Variants in BNC2 observed in about 807,000 individuals in gnomAD.
BNC2 encodes zinc finger protein basonuclin-2.
A neutral mutation model predicts 76.3 loss-of-function variants in BNC2; 20 were observed. The observed-to-expected ratio is 0.26, with a 90% CI of 0.18 to 0.38. BNC2 has a LOEUF of 0.38. Ranked by LOEUF, BNC2 falls within the 10% of genes least tolerant of loss-of-function variation. The pLI is 1.00. For synonymous variants in BNC2, 582 were observed against 514.8 expected (o/e 1.13, Z -1.77); for missense variants, 1,382 against 1,399.8 (o/e 0.99, Z 0.20).
At chr9:16,453,740 C>G (rs983161200) in intron 5 of BNC2, among the ~76,000 whole-genome samples, 5 of 152,160 alleles carry the variant, frequency 3.3e-5, no homozygotes, top group African/African-American at 1.2e-4. Context: ...CTGCTTGAAC[C>G]CCAGAGGCAG....
intron 1 of BNC2, among the ~76,000 whole-genome samples, chr9:16,846,712 C>G (rs1038402896): frequency 2.0e-5 from 3 of 152,160 alleles, no homozygotes; most frequent in Non-Finnish European, 2.9e-5. Flanking sequence ...GAAAATTCTA[C>G]AATACACTTT....
intron 3 of BNC2, among the ~76,000 whole-genome samples, chr9:16,630,419 T>C (rs987051478): frequency 3.3e-5 from 5 of 152,154 alleles, no homozygotes; most frequent in Non-Finnish European, 4.4e-5. Flanking sequence ...TTACAAAATG[T>C]TGATAAGCAA....
intron 5 of BNC2, among the ~76,000 whole-genome samples, chr9:16,520,894 A>G (rs1422191862): frequency 2.0e-5 from 3 of 152,188 alleles, no homozygotes; most frequent in Non-Finnish European, 4.4e-5. Context: ...AAAAACAGAA[A>G]TCCAAGGCAA....
chr9:16,573,615 C>T (rs1247095047), intron 4 of BNC2, among the ~76,000 whole-genome samples: 1 of 152,068 alleles, frequency 6.6e-6, no homozygotes, highest in Non-Finnish European at 1.5e-5. Flanking sequence ...AAATTTGTAG[C>T]GTCACTTGAC....
At chr9:16,559,220 G>A (rs12000225) in intron 4 of BNC2, among the ~76,000 whole-genome samples, 13,341 of 152,118 alleles carry the variant, frequency 0.088, 1,305 homozygotes, top group African/African-American at 0.23. Flanking sequence ...GCCCAGGATG[G>A]CTTTGAATGC....
At chr9:16,708,111 G>A (rs138935091) in intron 3 of BNC2, among the ~76,000 whole-genome samples, 235 of 152,230 alleles carry the variant, frequency 1.5e-3, no homozygotes, top group African/African-American at 5.2e-3. Context: ...AAAAAATGTC[G>A]TATCAGTAAG....
At chr9:16,832,727 T>C (rs573178255) in intron 1 of BNC2, among the ~76,000 whole-genome samples, 4 of 141,384 alleles carry the variant, frequency 2.8e-5, no homozygotes, top group Admixed American at 6.9e-5. Flanking sequence ...TCCAAATTCC[T>C]TTTTTTTTTC....
intron 5 of BNC2, among the ~76,000 whole-genome samples, chr9:16,475,637 A>T (rs1821912033): frequency 6.6e-6 from 1 of 152,206 alleles, no homozygotes; most frequent in South Asian, 2.1e-4. Flanking sequence ...TGTAGTTCTA[A>T]TCCACTAGAA....
chr9:16,648,075 ATG>A (rs139071003), intron 3 of BNC2, among the ~76,000 whole-genome samples: 15 of 152,010 alleles, frequency 9.9e-5, no homozygotes, highest in Non-Finnish European at 1.6e-4. Context: ...GCAATAAAAT[ATG>A]TGTGTGTGTG....
At chr9:16,839,340 C>A (rs1263055097) in intron 1 of BNC2, among the ~76,000 whole-genome samples, 1 of 152,152 alleles carries the variant, frequency 6.6e-6, no homozygotes, top group Non-Finnish European at 1.5e-5. Context: ...TGTATCAATA[C>A]GGTAAAAGTT....
rs1180128633 is a variant in BNC2 at position 16,813,726 on chromosome 9, TTTGG to T, written c.3+56916_3+56919del. 2.6e-5 allele frequency among the ~76,000 whole-genome samples: 4 copies of T among 152,270 alleles called. No homozygotes were observed. The South Asian group carries it at 8.3e-4, about 32-fold the overall frequency. ...AGCAAACTCATTTTCTTGCAAGAGC[TTTGG>T]TTGAATTGTAGAAGAGGAGGTATTC... On this transcript the variant is annotated intron_variant, in intron 1 of 6. Transcript: ENST00000380672.
intron 3 of BNC2, among the ~76,000 whole-genome samples, chr9:16,651,309 T>TA (rs1275640334): frequency 1.3e-5 from 2 of 152,186 alleles, no homozygotes; most frequent in Non-Finnish European, 2.9e-5. Flanking sequence ...GAAAAACAAG[T>TA]AACTTAAAAA....
intron 1 of BNC2, among the ~76,000 whole-genome samples, chr9:16,838,937 A>G (rs959113683): frequency 1.3e-5 from 2 of 152,244 alleles, no homozygotes; most frequent in African/African-American, 4.8e-5. Context: ...GTATTGGTCT[A>G]TGTGTGCCAC....
chr9:16,500,525 T>C (rs1822496121), intron 5 of BNC2, among the ~76,000 whole-genome samples: 2 of 152,210 alleles, frequency 1.3e-5, no homozygotes, highest in Middle Eastern at 3.2e-3. Flanking sequence ...ACTTGAAGTA[T>C]ATATATAGCT....
intron 5 of BNC2, among the ~76,000 whole-genome samples, chr9:16,486,376 T>G (rs1822164868): frequency 1.3e-5 from 2 of 152,220 alleles, no homozygotes; most frequent in South Asian, 4.1e-4. Context: ...TTGATGTTCC[T>G]TCTTTATTTG....
intron 5 of BNC2, among the ~76,000 whole-genome samples, chr9:16,549,880 A>C (rs1818606313): frequency 6.6e-6 from 1 of 152,188 alleles, no homozygotes; most frequent in Non-Finnish European, 1.5e-5. Context: ...AACAAGACAG[A>C]AACTAAACCT....
In BNC2 at chr9:16,703,397, A is replaced by G. The variant is rs140294971; in HGVS notation, c.330+24400T>C. ...CCGGAAAAATCACATTTTAAAATGT[A>G]CAACTAAAAAACAAATCACTAAAAA... On this transcript the variant is annotated intron_variant, in intron 3 of 6. Coordinates refer to ENST00000380672, the MANE Select transcript of BNC2 (RefSeq NM_017637.6). Among the ~76,000 whole-genome samples the G allele has an allele frequency of 1.0e-3, 159 of 152,280 alleles. 4 individuals are homozygous for G. The East Asian group carries it at 0.022, about 21-fold the overall frequency.
chr9:16,514,992 C>T (rs562497473), intron 5 of BNC2, among the ~76,000 whole-genome samples: 28 of 152,182 alleles, frequency 1.8e-4, no homozygotes, highest in African/African-American at 6.8e-4. Context: ...GCAAAACTGT[C>T]TGGCAGTTAC....
chr9:16,450,897 G>T (rs1308775432), intron 5 of BNC2, among the ~76,000 whole-genome samples: 1 of 152,200 alleles, frequency 6.6e-6, no homozygotes, highest in Non-Finnish European at 1.5e-5. Flanking sequence ...AAATGGAAGT[G>T]CCATACTCTT....
Sources: allele counts gnomAD v4.1 joint callset (sites outside exome capture counted in the v4.1 genomes callset), GRCh38; gene constraint gnomAD v4.1.1; transcripts MANE v1.5; gene names NCBI Gene and HGNC (gene_info 2026-07-23, HGNC 2026-07-21).